Variants in EMCN observed in about 807,000 individuals in gnomAD.
EMCN encodes the protein endomucin.
A neutral mutation model predicts 38.4 loss-of-function variants in EMCN; 37 were observed. The observed-to-expected ratio is 0.96, with a 90% confidence interval of 0.74 to 1.27. EMCN has a LOEUF of 1.27. EMCN is among the 50% of genes most tolerant of loss of function. The pLI, the probability that EMCN is intolerant of heterozygous loss-of-function variation, is 0.00. For missense variants in EMCN, 318 were observed against 302.8 expected (o/e 1.05, Z -0.37); for synonymous variants, 95 against 100.8 (o/e 0.94, Z 0.35).
intron 4 of EMCN, among the ~76,000 whole-genome samples, chr4:100,454,806 T>A (rs1022796808): frequency 1.3e-5 from 2 of 152,156 alleles, no homozygotes; most frequent in Admixed American, 6.6e-5. Context: ...ACTCTCTTTA[T>A]CCCCGATAAA....
chr4:100,418,899 T>C (rs1354356529), intron 8 of EMCN, among the ~76,000 whole-genome samples: 1 of 152,126 alleles, frequency 6.6e-6, no homozygotes, highest in African/African-American at 2.4e-5. Flanking sequence ...GTTAAGCGTA[T>C]ATACCCAGCA....
chr4:100,515,714 C>G (rs924819592), intron 1 of EMCN, among the ~76,000 whole-genome samples: 7 of 151,996 alleles, frequency 4.6e-5, no homozygotes, highest in African/African-American at 1.7e-4. Flanking sequence ...GTTAATCATT[C>G]CTAAGTTTGA....
intron 11 of EMCN, among the ~76,000 whole-genome samples, chr4:100,406,332 C>T (rs908745026): frequency 1.8e-4 from 28 of 151,914 alleles, no homozygotes; most frequent in Admixed American, 1.7e-3. Flanking sequence ...GTTAGATTGT[C>T]AATTTGAGAT....
At chr4:100,446,517 T>TA (rs1560618286) in intron 5 of EMCN, among the ~76,000 whole-genome samples, 1 of 152,136 alleles carries the variant, frequency 6.6e-6, no homozygotes, top group African/African-American at 2.4e-5. Flanking sequence ...ATAATTTTTT[T>TA]ATTTTTCTAA....
At position 100,447,386 on chromosome 4, in the gene EMCN, C is replaced by G. The variant is rs1030971756; in HGVS notation, c.415+147G>C. 8.1e-6 allele frequency: 5 copies of G among 620,538 alleles called. No individual in the cohort carries two copies. In the Admixed American group the frequency reaches 1.5e-4, roughly 18 times the overall value. The allele number at this position is 620,538 out of a possible 1,614,324, so 38.4% of individuals were successfully genotyped here. ...CTCCTGGTCTGCATTTTTTTAAACTCAAGTTTTTCTAAACATTTTATTTGT... is the reference window on the plus strand; with the variant it reads ...CTCCTGGTCTGCATTTTTTTAAACTGAAGTTTTTCTAAACATTTTATTTGT... On this transcript the variant is annotated intron_variant, in intron 5 of 11. Coordinates refer to ENST00000296420, the MANE Select transcript of EMCN (RefSeq NM_016242.4).
intron 4 of EMCN, among the ~76,000 whole-genome samples, chr4:100,449,065 C>T (rs1297053863): frequency 6.6e-6 from 1 of 151,950 alleles, no homozygotes; most frequent in African/African-American, 2.4e-5. Context: ...TCCATGGGGG[C>T]AGATTTCTTA....
chr4:100,405,128 G>A (rs948279799), intron 11 of EMCN, among the ~76,000 whole-genome samples: 2 of 151,984 alleles, frequency 1.3e-5, no homozygotes, highest in Admixed American at 6.6e-5. Context: ...AGACTATGGG[G>A]TTTTCTAGGT....
intron 5 of EMCN, among the ~76,000 whole-genome samples, chr4:100,428,523 GC>G (rs1336988012): frequency 6.6e-6 from 1 of 152,030 alleles, no homozygotes; most frequent in Non-Finnish European, 1.5e-5. Flanking sequence ...TACTTTCCCT[GC>G]TAGAATATAA....
At chr4:100,415,459 G>A (rs1048251372) in intron 10 of EMCN, among the ~76,000 whole-genome samples, 7 of 152,182 alleles carry the variant, frequency 4.6e-5, no homozygotes, top group African/African-American at 1.7e-4. Context: ...TACCTTTATG[G>A]AGAGGCTCAA....
intron 1 of EMCN, chr4:100,486,916 GATA>G: frequency 1.0e-6 from 1 of 985,396 alleles, no homozygotes; most frequent in Non-Finnish European, 1.2e-6. Context: ...TTCACAAATG[GATA>G]ATTCTTCAAA....
At chr4:100,458,683 A>G (rs1187671901) in intron 4 of EMCN, among the ~76,000 whole-genome samples, 2 of 152,210 alleles carry the variant, frequency 1.3e-5, no homozygotes, top group African/African-American at 2.4e-5. Flanking sequence ...CAAAGGCCTT[A>G]AAACAGCCTG....
At chr4:100,423,480 AG>A in intron 5 of EMCN, 76 bp from the exon 6 acceptor site, 3 of 1,044,784 alleles carry the variant, frequency 2.9e-6, no homozygotes, top group Non-Finnish European at 4.5e-6. Flanking sequence ...AGATTCAAAC[AG>A]TTTGCTTTTC....
chr4:100,435,420 G>T lies in EMCN; in HGVS notation c.416-12016C>A, dbSNP rs1727322749. Among the ~76,000 whole-genome samples the T allele has an allele frequency of 2.6e-5, 4 of 152,158 alleles. No homozygotes were observed. In the South Asian group the frequency reaches 8.3e-4, roughly 31 times the overall value. On this transcript the variant is annotated intron_variant, in intron 5 of 11. Coordinates refer to ENST00000296420, the MANE Select transcript of EMCN (RefSeq NM_016242.4). The stretch of plus-strand genomic sequence containing the variant: ...AACATTCCATGCTCATGGATAGGAA[G>T]AATCAATATTGTGAAAATGGCCATA...
chr4:100,504,579 TAGG>T (rs140398784), intron 1 of EMCN, among the ~76,000 whole-genome samples: 59,260 of 151,828 alleles, frequency 0.39, 12,169 homozygotes, highest in East Asian at 0.71. Context: ...CATACAGAGA[TAGG>T]AGCTGAAGGG....
intron 4 of EMCN, among the ~76,000 whole-genome samples, chr4:100,448,164 A>G (rs1006240277): frequency 2.6e-5 from 4 of 152,160 alleles, no homozygotes; most frequent in Non-Finnish European, 5.9e-5. Context: ...ATTTTATGAT[A>G]TAGTCCAGGA....
intron 1 of EMCN, among the ~76,000 whole-genome samples, chr4:100,503,035 T>G (rs1729391813): frequency 6.6e-6 from 1 of 152,090 alleles, no homozygotes; most frequent in South Asian, 2.1e-4. Context: ...TGTTGTCAGG[T>G]TTTGGTTTCA....
At chr4:100,403,514 GT>G (rs575855813) in intron 11 of EMCN, among the ~76,000 whole-genome samples, 301 of 147,074 alleles carry the variant, frequency 2.0e-3, no homozygotes, top group African/African-American at 7.4e-3. Context: ...CTCTCTTATT[GT>G]AAATAGTGCT....
chr4:100,487,895 G>T (rs1296114537), intron 1 of EMCN, among the ~76,000 whole-genome samples: 2 of 152,152 alleles, frequency 1.3e-5, no homozygotes, highest in African/African-American at 4.8e-5. Flanking sequence ...GCTTTCCTCT[G>T]AACTTCAAAG....
intron 1 of EMCN, among the ~76,000 whole-genome samples, chr4:100,480,932 T>C (rs1033909835): frequency 3.3e-5 from 5 of 152,062 alleles, no homozygotes; most frequent in Non-Finnish European, 7.4e-5. Flanking sequence ...TGAAAAGATT[T>C]ACTTCACATA....
Sources: gnomAD v4.1 joint callset for allele counts (sites outside exome capture counted in the v4.1 genomes callset) on GRCh38, gnomAD v4.1.1 for gene constraint, MANE v1.5 for transcripts, NCBI Gene and HGNC (gene_info 2026-07-23, HGNC 2026-07-21) for gene names.